The following YES1 variants were observed in gnomAD, a reference collection of about 807,000 sequenced individuals.
YES1 encodes tyrosine-protein kinase Yes.
A neutral mutation model predicts 70.4 loss-of-function variants in YES1; 39 were observed. The ratio of observed to expected loss-of-function variants is 0.55; its 90% CI spans 0.43 to 0.72. The LOEUF (loss-of-function observed/expected upper bound fraction) is 0.72, where lower values mean the gene tolerates loss of function less well. YES1 is among the 30% of genes least tolerant of loss of function. The probability of loss-of-function intolerance (pLI) is 0.00; values close to 1 mark genes in which losing one functional copy is unlikely to be tolerated. For missense variants in YES1, 495 were observed against 644.8 expected (o/e 0.77, Z 2.52); for synonymous variants, 198 against 218.6 (o/e 0.91, Z 0.83).
intron 6 of YES1, among the ~76,000 whole-genome samples, chr18:743,865 C>T (rs902100148): frequency 2.7e-5 from 4 of 150,324 alleles, no homozygotes; most frequent in Non-Finnish European, 5.9e-5. Context: ...AAAATTGCGC[C>T]ACTGCACTCT....
intron 10 of YES1, 101 bp downstream of exon 10, chr18:736,707 G>A (rs530509859): frequency 1.2e-5 from 17 of 1,437,852 alleles, no homozygotes; most frequent in Non-Finnish European, 1.6e-5. Context: ...ACTCTTCTGA[G>A]GGAAGCTAAA....
At chr18:759,953 T>G (rs1017243601) in intron 1 of YES1, among the ~76,000 whole-genome samples, 1 of 147,260 alleles carries the variant, frequency 6.8e-6, no homozygotes, top group South Asian at 2.2e-4. Flanking sequence ...AGTGAGAACA[T>G]GCAGTGTTTG....
chr18:793,154 C>T (rs1375633923), intron 1 of YES1, among the ~76,000 whole-genome samples: 1 of 151,818 alleles, frequency 6.6e-6, no homozygotes, highest in Non-Finnish European at 1.5e-5. Flanking sequence ...ATACTCCTGC[C>T]TCAGCCTCCC....
intron 10 of YES1, among the ~76,000 whole-genome samples, chr18:735,274 TA>T (rs1334400357): frequency 1.3e-5 from 2 of 149,986 alleles, no homozygotes; most frequent in South Asian, 2.1e-4. Context: ...AATGAGTGGA[TA>T]AAAAAAAATG....
At chr18:760,485 C>CA (rs1904534762) in intron 1 of YES1, among the ~76,000 whole-genome samples, 2 of 151,732 alleles carry the variant, frequency 1.3e-5, no homozygotes, top group South Asian at 2.1e-4. Flanking sequence ...AACAAACAAA[C>CA]AACAACAACA....
Position 724,268 on chromosome 18 carries a change from A to G in YES1, c.*156T>C, listed in dbSNP as rs544372861. 496 of 672,884 alleles carry G rather than the reference A, an allele frequency of 7.4e-4. 7 individuals carry two copies. Among genetic ancestry groups the G allele is most frequent in the South Asian group, 6.7e-3 (332 of 49,500 alleles). The allele number at this position is 672,884 out of a possible 1,614,324, so 41.7% of individuals were successfully genotyped here. ...GTACATTAGAGTTTAATACTTGGGG[A>G]AAAAAAAGTGGTTTTGTGCAACCAT... On this transcript the variant is annotated 3_prime_UTR_variant, in exon 12 of 12. Coordinates refer to ENST00000314574, the MANE Select transcript of YES1 (RefSeq NM_005433.4).
rs751145666 is a variant in YES1, at chr18:722,316, A to C, written c.*2108T>G. The C allele has an allele frequency of 3.3e-5, 5 of 152,656 alleles. No homozygotes were observed. The highest frequency in any genetic ancestry group is 2.1e-4 in the South Asian group (1 of 4,832). 9.5% of individuals were successfully genotyped at this position (152,656 alleles called of 1,614,324 possible). ...AGCAGGTTACGTAAACAGAAAAAAC[A>C]ACCACAATTTTTAGTACCAGAACCA... On this transcript the variant is annotated 3_prime_UTR_variant, in exon 12 of 12. Coordinates refer to ENST00000314574, the MANE Select transcript of YES1 (RefSeq NM_005433.4).
At chr18:777,733 G>A (rs1905452480) in intron 1 of YES1, among the ~76,000 whole-genome samples, 1 of 151,358 alleles carries the variant, frequency 6.6e-6, no homozygotes, top group Non-Finnish European at 1.5e-5. Context: ...CTCTAACCCA[G>A]GAGGCGGAGG....
At chr18:792,651 G>GAGGAGCAGC (rs1290590990) in intron 1 of YES1, among the ~76,000 whole-genome samples, 1 of 151,414 alleles carries the variant, frequency 6.6e-6, no homozygotes, top group African/African-American at 2.4e-5. Context: ...ATATATGAAG[G>GAGGAGCAGC]AGGAGCAGCA....
chr18:756,509 A>C, intron 2 of YES1, 48 bp downstream of exon 2: 1 of 1,604,756 alleles, frequency 6.2e-7, no homozygotes, highest in Non-Finnish European at 8.5e-7. Context: ...TATATTACCC[A>C]AGGTGATGTT....
In YES1 at chr18:732,086, A is replaced by C. The variant is rs76944303; in HGVS notation, c.1423+748T>G. 8.8e-3 allele frequency among the ~76,000 whole-genome samples: 1,343 copies of C among 152,252 alleles called. 25 individuals are homozygous for C. Among genetic ancestry groups the C allele is most frequent in the African/African-American group, 0.03 (1,250 of 41,546 alleles). The stretch of plus-strand genomic sequence containing the variant: ...GGTTTATAAATAGGTTAGAGAAATA[A>C]AACAAGAAAAGAATCTCAAAATAAT... On this transcript the variant is annotated intron_variant, in intron 11 of 11. Coordinates refer to ENST00000314574, the MANE Select transcript of YES1 (RefSeq NM_005433.4).
chr18:755,317 T>A (rs12958089), intron 2 of YES1, among the ~76,000 whole-genome samples: 2 of 151,652 alleles, frequency 1.3e-5, no homozygotes, highest in Non-Finnish European at 2.9e-5. Flanking sequence ...GGCGCAATCT[T>A]GGCTCACTGC....
At chr18:791,485 A>T (rs1049317927) in intron 1 of YES1, among the ~76,000 whole-genome samples, 1 of 152,162 alleles carries the variant, frequency 6.6e-6, no homozygotes, top group Non-Finnish European at 1.5e-5. Context: ...AAGATGAGGA[A>T]ACTAAGGCAC....
intron 3 of YES1, among the ~76,000 whole-genome samples, chr18:749,732 C>T (rs1020714455): frequency 2.6e-5 from 4 of 151,158 alleles, no homozygotes; most frequent in Non-Finnish European, 4.4e-5. Context: ...TGGTGGCGGG[C>T]GCCTGTAGTC....
intron 3 of YES1, among the ~76,000 whole-genome samples, chr18:751,413 A>G (rs1372933219): frequency 1.3e-5 from 2 of 152,192 alleles, no homozygotes; most frequent in African/African-American, 4.8e-5. Flanking sequence ...CTCTCTTTAT[A>G]AAGTTTTTTA....
rs571165239 is a variant in YES1, at chr18:742,002, T to C, written c.1060+916A>G. On this transcript the variant is annotated intron_variant, in intron 8 of 11. Coordinates refer to ENST00000314574, the MANE Select transcript of YES1 (RefSeq NM_005433.4). ...GGGAAAAATTTTCCTACAGCAAATATGTAACTTGTAGTTGTCCTTGTCACC... is the reference window on the plus strand; with the variant it reads ...GGGAAAAATTTTCCTACAGCAAATACGTAACTTGTAGTTGTCCTTGTCACC... 9.8e-5 allele frequency among the ~76,000 whole-genome samples: 15 copies of C among 152,300 alleles called. No homozygotes were observed. The South Asian group carries it at 1.9e-3, about 19-fold the overall frequency.
chr18:727,604 T>C (rs1190881531), intron 11 of YES1, among the ~76,000 whole-genome samples: 1 of 152,194 alleles, frequency 6.6e-6, no homozygotes, highest in Non-Finnish European at 1.5e-5. Context: ...TCTCTTGTTA[T>C]TTTAGTAGTT....
chr18:748,314 A>G (rs1255677422), intron 3 of YES1, among the ~76,000 whole-genome samples: 1 of 152,136 alleles, frequency 6.6e-6, no homozygotes, highest in Non-Finnish European at 1.5e-5. Context: ...GATAGTGAAT[A>G]AAACAATTTG....
chr18:747,411 G>T (rs2080293226), intron 4 of YES1, among the ~76,000 whole-genome samples: 1 of 152,194 alleles, frequency 6.6e-6, no homozygotes, highest in African/African-American at 2.4e-5. Flanking sequence ...AGAGGTTGCA[G>T]TGAGCCGAGA....
Sources: allele counts gnomAD v4.1 joint callset (sites outside exome capture counted in the v4.1 genomes callset), GRCh38; gene constraint gnomAD v4.1.1; transcripts MANE v1.5; gene names NCBI Gene and HGNC (gene_info 2026-07-23, HGNC 2026-07-21).